CPD: variants seen among roughly 807,000 people sequenced by gnomAD.
CPD encodes the protein carboxypeptidase D, also known as metallocarboxypeptidase D.
Under a neutral mutation model 138.3 loss-of-function variants are expected in CPD, and 69 were observed. That is an observed-to-expected ratio of 0.50 (90% confidence interval 0.41 to 0.61). The LOEUF is 0.61. CPD is among the 20% of genes least tolerant of loss of function. The pLI, the probability that CPD is intolerant of heterozygous loss-of-function variation, is 0.00. For missense variants in CPD, 1,432 were observed against 1,733.3 expected, an observed-to-expected ratio of 0.83 and a Z score of 3.09; for synonymous variants, 651 against 642.1, an observed-to-expected ratio of 1.01 and a Z score of -0.21.
intron 2 of CPD, 41 bp downstream of exon 2, chr17:30,385,277 C>T (rs765417682): frequency 3.7e-6 from 6 of 1,605,546 alleles, no homozygotes; most frequent in Non-Finnish European, 4.3e-6. Context: ...CCCCCTTGTT[C>T]GTTGAATTTT....
At chr17:30,435,809 C>T (rs969630377) in intron 8 of CPD, among the ~76,000 whole-genome samples, 3 of 152,166 alleles carry the variant, frequency 2.0e-5, no homozygotes, top group Non-Finnish European at 4.4e-5. Context: ...TTGGCAGGGC[C>T]ATTCTCCCTC....
chr17:30,426,001 C>T (rs1456617775), intron 6 of CPD, among the ~76,000 whole-genome samples: 3 of 151,638 alleles, frequency 2.0e-5, no homozygotes, highest in Non-Finnish European at 4.4e-5. Context: ...GAGTTCGAGA[C>T]CAGCCTGGCC....
chr17:30,467,405 T>G lies in CPD; in HGVS notation c.*2591T>G, dbSNP rs1597742107. 6.6e-6 allele frequency: 1 copy of G among 152,342 alleles called. No individual in the cohort carries two copies. The highest frequency in any genetic ancestry group is 1.9e-4 in the East Asian group (1 of 5,186). 9.4% of individuals were successfully genotyped at this position (152,342 alleles called of 1,614,324 possible). ...ATTGATTATGTAGTTCAGTAAGATG[T>G]GCCCAAGTCATTTCAGAAAGAAAGA... On this transcript the variant is annotated 3_prime_UTR_variant, in exon 21 of 21. Transcript: ENST00000225719.
chr17:30,438,306 C>A (rs1206304306), intron 8 of CPD, among the ~76,000 whole-genome samples: 1 of 152,104 alleles, frequency 6.6e-6, no homozygotes, highest in Non-Finnish European at 1.5e-5. Context: ...CTGCCACTCT[C>A]ATCAGATGTA....
At chr17:30,382,921 G>A (rs1380462484) in intron 1 of CPD, among the ~76,000 whole-genome samples, 1 of 152,094 alleles carries the variant, frequency 6.6e-6, no homozygotes, top group African/African-American at 2.4e-5. Flanking sequence ...AACGTCATTT[G>A]GCAAATAGTT....
At chr17:30,384,671 A>C (rs1338158947) in intron 1 of CPD, among the ~76,000 whole-genome samples, 1 of 152,202 alleles carries the variant, frequency 6.6e-6, no homozygotes, top group African/African-American at 2.4e-5. Flanking sequence ...GAATTCCCTA[A>C]ATAAGACATT....
chr17:30,451,166 C>A (rs1161326344), intron 13 of CPD, among the ~76,000 whole-genome samples: 1 of 152,150 alleles, frequency 6.6e-6, no homozygotes, highest in Non-Finnish European at 1.5e-5. Flanking sequence ...AGAATTTAAA[C>A]CCACGTATGT....
intron 2 of CPD, among the ~76,000 whole-genome samples, chr17:30,411,936 G>A (rs1049987680): frequency 6.6e-6 from 1 of 152,184 alleles, no homozygotes; most frequent in Non-Finnish European, 1.5e-5. Flanking sequence ...CAGGAGAAGA[G>A]GCGCTCTGGT....
intron 2 of CPD, among the ~76,000 whole-genome samples, chr17:30,391,132 CT>C (rs5819898): frequency 0.44 from 49,807 of 114,432 alleles, 10,622 homozygotes; most frequent in Non-Finnish European, 0.48. Flanking sequence ...GCCTGGCCGC[CT>C]TTTTTTTTTT....
At chr17:30,453,230 T>A (rs1230153528) in intron 14 of CPD, among the ~76,000 whole-genome samples, 1 of 152,192 alleles carries the variant, frequency 6.6e-6, no homozygotes, top group Non-Finnish European at 1.5e-5. Flanking sequence ...GACAGGTCCC[T>A]TCTGCCTCTG....
At chr17:30,405,117 C>T (rs1911772600) in intron 2 of CPD, among the ~76,000 whole-genome samples, 1 of 152,080 alleles carries the variant, frequency 6.6e-6, no homozygotes, top group Non-Finnish European at 1.5e-5. Context: ...GACATAAATA[C>T]AGTCACAGAA....
chr17:30,380,461 G>C, intron 1 of CPD: 2 of 1,271,678 alleles, frequency 1.6e-6, no homozygotes, highest in Non-Finnish European at 2.0e-6. Context: ...TTTAGACTCT[G>C]AAGGGTTTGT....
intron 14 of CPD, among the ~76,000 whole-genome samples, chr17:30,453,122 T>C (rs1406538700): frequency 6.6e-6 from 1 of 152,150 alleles, no homozygotes; most frequent in Non-Finnish European, 1.5e-5. Flanking sequence ...CCAAATCTCA[T>C]GTCCTCACAT....
At chr17:30,385,504 GCACACACACACACA>G (rs34290313) in intron 2 of CPD, among the ~76,000 whole-genome samples, 1,928 of 144,448 alleles carry the variant, frequency 0.013, 46 homozygotes, top group Non-Finnish European at 0.02. Context: ...GTATGTGCAT[GCACACACACACACA>G]CACACACACA....
chr17:30,435,196 C>A (rs1353640819), intron 8 of CPD, among the ~76,000 whole-genome samples: 1 of 152,060 alleles, frequency 6.6e-6, no homozygotes. Context: ...ACAAAATTAT[C>A]TCTGAAATGA....
At chr17:30,462,997 C>T (rs1395219032) in intron 20 of CPD, among the ~76,000 whole-genome samples, 3 of 152,220 alleles carry the variant, frequency 2.0e-5, no homozygotes, top group Non-Finnish European at 2.9e-5. Context: ...AGCAGTTTTC[C>T]GCCCTGGGCG....
In CPD at chr17:30,379,548, G is replaced by T; in HGVS notation, c.568G>T (p.Ala190Ser). 1 of 1,549,784 alleles carries T rather than the reference G, an allele frequency of 6.5e-7. No individual in the cohort carries two copies. The change falls in exon 1 of 21, where the codon GCC (alanine) becomes TCC (serine). Residue 190 changes from alanine to serine, a missense_variant. Physicochemically the swap from Ala to Ser is moderately conservative, Grantham distance 99. Around this residue, in one of 6 missense-constraint regions of CPD, gnomAD observed 484 missense variants for 477.2 expected, o/e 1.01. Coordinates refer to ENST00000225719, the MANE Select transcript of CPD (RefSeq NM_001304.5). The surrounding 1 kb of genome is among the most constrained non-coding windows in gnomAD (Gnocchi z 7.0). ...CCTCAACCCCGATGGCTTCGAGCGT[G>T]CCCGCGAGGGCGACTGTGGCTTCGG... ...PSLNPDGFER[A>S]REGDCGFGDG...
At chr17:30,400,682 G>T (rs1597711061) in intron 2 of CPD, among the ~76,000 whole-genome samples, 4 of 88,782 alleles carry the variant, frequency 4.5e-5, no homozygotes, top group African/African-American at 5.4e-5. Flanking sequence ...TTTTTGAGAT[G>T]GAGTCTTACT....
At position 30,445,914 on chromosome 17, in the gene CPD, T is replaced by C. The variant is rs1913016955; in HGVS notation, c.2767T>C (p.Ser923Pro). ...NGLESLMLRS[S>P]SNLALALYRY... ...TTTGGAAAGCCTCATGTTACGCTCC[T>C]CCTCAAATCTGGCTCTGGCTCTTTA... Residue 923 changes from serine (S) to proline (P), a missense_variant, in exon 12 of 21, where the codon TCC becomes CCC. By Grantham distance (74) the Ser-to-Pro change is moderately conservative. This residue lies in a region of CPD where 124 missense variants were observed against 117.0 expected (regional missense o/e 1.06). Transcript: ENST00000225719. The C allele has an allele frequency of 6.2e-7, 1 of 1,614,004 alleles. No homozygotes were observed. Among genetic ancestry groups the C allele is most frequent in the African/African-American group, 1.3e-5 (1 of 74,918 alleles).
Sources: allele counts gnomAD v4.1 joint callset (sites outside exome capture counted in the v4.1 genomes callset), GRCh38; gene constraint gnomAD v4.1.1; regional missense constraint gnomAD v4.1.1; non-coding constraint Gnocchi (gnomAD v3.1); transcripts MANE v1.5; gene names NCBI Gene and HGNC (gene_info 2026-07-23, HGNC 2026-07-21).